Variants in COL6A3 observed in about 807,000 individuals in gnomAD.
COL6A3 encodes collagen type VI alpha 3 chain.
A neutral mutation model predicts 274.1 loss-of-function variants in COL6A3; 137 were observed. That is an observed-to-expected ratio of 0.50 (90% CI 0.44 to 0.58). The LOEUF (loss-of-function observed/expected upper bound fraction) is 0.58. Ranked by LOEUF, COL6A3 falls within the 20% of genes least tolerant of loss-of-function variation. The pLI is 0.00. For synonymous variants in COL6A3, 1,650 were observed against 1,650.6 expected (o/e 1.00, Z 0.01); for missense variants, 3,950 against 4,124.9 (o/e 0.96, Z 1.16).
intron 1 of COL6A3, among the ~76,000 whole-genome samples, chr2:237,405,335 T>C (rs1162154220): frequency 3.3e-5 from 5 of 152,232 alleles, no homozygotes; most frequent in African/African-American, 4.8e-5. Context: ...TTGTTTGTCA[T>C]GTCCTGGAGT....
intron 10 of COL6A3, among the ~76,000 whole-genome samples, chr2:237,367,964 G>T (rs1403256769): frequency 6.6e-6 from 1 of 152,208 alleles, no homozygotes; most frequent in East Asian, 1.9e-4. Context: ...AGGGAAACAG[G>T]CATACTGCTC....
chr2:237,394,994 T>G lies in COL6A3; in HGVS notation c.302A>C (p.Glu101Ala). 6.2e-7 allele frequency: 1 copy of G among 1,614,204 alleles called. No homozygotes were observed. Among genetic ancestry groups the G allele is most frequent in the Non-Finnish European group, 8.5e-7 (1 of 1,180,030 alleles). ...CATGTTGGAAATATGAGAAAGGACT[T>G]CTTGTTTAGTACGATACGTATTTAA... ...FLLNTYRTKQ[E>A]VLSHISNMSY... Residue 101 changes from glutamate to alanine, a missense_variant, in exon 3 of 44, where the codon GAA becomes GCA. Physicochemically the swap from Glu to Ala is moderately radical, Grantham distance 107. Coordinates refer to ENST00000295550, the MANE Select transcript of COL6A3 (RefSeq NM_004369.4).
At chr2:237,381,779 T>C (rs1490868604) in intron 4 of COL6A3, among the ~76,000 whole-genome samples, 4 of 152,242 alleles carry the variant, frequency 2.6e-5, no homozygotes, top group South Asian at 4.1e-4. Flanking sequence ...CCACCTGTTT[T>C]GTATGCTGTC....
Position 237,409,295 on chromosome 2 carries a change from ATTATT to A in COL6A3, c.-31+4653_-31+4657del, listed in dbSNP as rs998621631. ...CCCCAAGAATGTATTCTCTTTTTTT[ATTATT>A]TTATTATTATTATACTTTAAGTTTT... On this transcript the variant is annotated intron_variant, in intron 1 of 43. Transcript: ENST00000295550. Among the ~76,000 whole-genome samples, 133 of 151,730 alleles carry A rather than the reference ATTATT, an allele frequency of 8.8e-4. 1 individual carries two copies. The highest frequency in any genetic ancestry group is 2.9e-3 in the African/African-American group (119 of 41,268).
In COL6A3 at chr2:237,324,169, A is replaced by T. The variant is rs970163940; in HGVS notation, c.*605T>A. The T allele has an allele frequency of 6.6e-6, 1 of 151,932 alleles. No homozygotes were observed. Among genetic ancestry groups the T allele is most frequent in the Non-Finnish European group, 1.5e-5 (1 of 68,046 alleles). 9.4% of individuals were successfully genotyped at this position (151,932 alleles called of 1,614,324 possible). ...AAATATTCTCTATTACAACTTTTTT[A>T]AATTCTTTAATTAAGGCATTGGTCC... On this transcript the variant is annotated 3_prime_UTR_variant, in exon 44 of 44. Transcript: ENST00000295550.
chr2:237,334,813 G>A lies in COL6A3; in HGVS notation c.9042C>T (p.Pro3014=), dbSNP rs1429653904. Residue 3014 remains proline (P), a synonymous_variant, in exon 41 of 44, where the codon CCC becomes CCT. Coordinates refer to ENST00000295550, the MANE Select transcript of COL6A3 (RefSeq NM_004369.4). ...SAKLHWERAE[P]PGPYFYDLTV... ...TGAGGTCATAAAAATAAGGACCGGGGGGCTCAGCCCTCTCCCAGTGGAGTT... is the reference window on the plus strand; with the variant it reads ...TGAGGTCATAAAAATAAGGACCGGGAGGCTCAGCCCTCTCCCAGTGGAGTT... 6.2e-7 allele frequency: 1 copy of A among 1,614,118 alleles called. No individual in the cohort carries two copies. Among genetic ancestry groups the A allele is most frequent in the South Asian group, 1.1e-5 (1 of 91,068 alleles).
chr2:237,362,657 A>G (rs1315428826), intron 14 of COL6A3, among the ~76,000 whole-genome samples: 1 of 152,158 alleles, frequency 6.6e-6, no homozygotes, highest in East Asian at 1.9e-4. Context: ...CACTGTTGCT[A>G]CCATCAAAGA....
At chr2:237,380,786 T>A in intron 5 of COL6A3, 129 bp downstream of exon 5, 1 of 859,108 alleles carries the variant, frequency 1.2e-6, no homozygotes, top group Non-Finnish European at 1.9e-6. Context: ...GAATAAATCA[T>A]GTTCGTTGCT....
Position 237,368,792 on chromosome 2 carries a change from G to A in COL6A3, c.4671C>T (p.Ser1557=), listed in dbSNP as rs116760648. 107 of 1,614,192 alleles carry A rather than the reference G, an allele frequency of 6.6e-5. 2 individuals are homozygous for A. In the African/African-American group the frequency reaches 1.3e-3, roughly 19 times the overall value. ...AGGAACGGATCACCTGGGCGAACCT[G>A]GACACATCGTCCTGGGATTTTCCAC... ...VLGGKSQDDV[S]RFAQVIRSSG... is the part of the protein sequence containing the mutation. Residue 1557 remains serine (S), a synonymous_variant, in exon 10 of 44, where the codon TCC becomes TCT. Coordinates refer to ENST00000295550, the MANE Select transcript of COL6A3 (RefSeq NM_004369.4). This position sits in a 1 kb window ranked among gnomAD's most constrained non-coding sequence, Gnocchi z 4.4.
intron 14 of COL6A3, among the ~76,000 whole-genome samples, 195 bp from the exon 15 acceptor site, chr2:237,362,026 G>A (rs1389242691): frequency 6.6e-6 from 1 of 152,170 alleles, no homozygotes; most frequent in Non-Finnish European, 1.5e-5. Context: ...CCAGCTCCTG[G>A]CGGTCGGGGT....
Position 237,367,280 on chromosome 2 carries a change from T to C in COL6A3, c.4907A>G (p.Lys1636Arg). 6.2e-7 allele frequency: 1 copy of C among 1,613,494 alleles called. No individual in the cohort carries two copies. Among genetic ancestry groups the C allele is most frequent in the Non-Finnish European group, 8.5e-7 (1 of 1,179,686 alleles). ...DTPPPSRPEK[K>R]KADIVFLLDG... is the part of the protein sequence containing the mutation. Reference sequence around the variant, plus strand: ...CAACAGGAACACAATGTCTGCTTTCTTCTTCTCTAGAAGTGATTAAAGTGA... The same window carrying C: ...CAACAGGAACACAATGTCTGCTTTCCTCTTCTCTAGAAGTGATTAAAGTGA... The change falls in exon 11 of 44, where the codon AAG (lysine) becomes AGG (arginine). Residue 1636 changes from lysine (K) to arginine (R), a missense_variant. This residue lies in a region of COL6A3 where 632 missense variants were observed against 623.4 expected (regional missense o/e 1.01). Coordinates refer to ENST00000295550, the MANE Select transcript of COL6A3 (RefSeq NM_004369.4).
intron 13 of COL6A3, among the ~76,000 whole-genome samples, chr2:237,363,886 T>C (rs2106346669): frequency 6.6e-6 from 1 of 152,366 alleles, no homozygotes; most frequent in Non-Finnish European, 1.5e-5. Context: ...AGATCACATC[T>C]GATAATAGGC....
At chr2:237,333,420 A>G (rs778409814) in intron 42 of COL6A3, 30 bp downstream of exon 42, 1 of 1,593,390 alleles carries the variant, frequency 6.3e-7, no homozygotes, top group South Asian at 1.1e-5. Context: ...TCTTAGTGCC[A>G]TTAATGGACC....
At position 237,388,136 on chromosome 2, in the gene COL6A3, G is replaced by T. The variant is rs201283466; in HGVS notation, c.758C>A (p.Thr253Asn). ...AATGACTGCGAAATTGACACTTCCGGTGTTGTTTGATCCATCAATAAGGAA... is the reference window on the plus strand; with the variant it reads ...AATGACTGCGAAATTGACACTTCCGTTGTTGTTTGATCCATCAATAAGGAA... ...IIFLIDGSNN[T>N]GSVNFAVILD... The change falls in exon 4 of 44, where the codon ACC (threonine) becomes AAC (asparagine). Residue 253 changes from threonine (T) to asparagine (N), a missense_variant. This residue lies in a region of COL6A3 where 1,934 missense variants were observed against 1,984.3 expected (regional missense o/e 0.97). Transcript: ENST00000295550. 8 of 1,614,194 alleles carry T rather than the reference G, an allele frequency of 5.0e-6. No individual in the cohort carries two copies. Among genetic ancestry groups the T allele is most frequent in the Non-Finnish European group, 6.8e-6 (8 of 1,180,030 alleles).
At chr2:237,348,287 CA>C in intron 30 of COL6A3, 61 bp downstream of exon 30, 1 of 1,349,668 alleles carries the variant, frequency 7.4e-7, no homozygotes, top group Non-Finnish European at 1.1e-6. Flanking sequence ...ATTCTCAGTC[CA>C]TGGACATACC....
At position 237,344,408 on chromosome 2, in the gene COL6A3, C is replaced by T; in HGVS notation, c.7610G>A (p.Gly2537Glu). Residue 2537 changes from glycine to glutamate, a missense_variant, in exon 36 of 44, where the codon GGG becomes GAG. Physicochemically the swap from Gly to Glu is moderately conservative, Grantham distance 98 (BLOSUM62 -2). Transcript: ENST00000295550. The surrounding 1 kb of genome is among the most constrained non-coding windows in gnomAD (Gnocchi z 4.8). ...CCTTGTAAGGAACAAGGGGGTGATCCCCGCATCTGAGAGCTTGAGCACAGC... is the reference window on the plus strand; with the variant it reads ...CCTTGTAAGGAACAAGGGGGTGATCTCCGCATCTGAGAGCTTGAGCACAGC... ...REAVLKLSDAGITPLFLTRQE... is the reference protein window; with the variant it reads ...REAVLKLSDAEITPLFLTRQE... The T allele has an allele frequency of 6.2e-7, 1 of 1,614,168 alleles. No homozygotes were observed. Among genetic ancestry groups the T allele is most frequent in the Non-Finnish European group, 8.5e-7 (1 of 1,180,010 alleles).
At chr2:237,327,172 T>G (rs1297429544) in intron 42 of COL6A3, 1 of 152,226 alleles carries the variant, frequency 6.6e-6, no homozygotes, top group Non-Finnish European at 1.5e-5. Context: ...GGCAAGGTAA[T>G]TTAACCATCA....
At chr2:237,375,751 C>T (rs991476621) in intron 7 of COL6A3, among the ~76,000 whole-genome samples, 2 of 152,202 alleles carry the variant, frequency 1.3e-5, no homozygotes, top group African/African-American at 4.8e-5. Flanking sequence ...CCATGTTGGT[C>T]AGGCTGGTCT....
At position 237,374,328 on chromosome 2, in the gene COL6A3, T is replaced by C. The variant is rs530812705; in HGVS notation, c.3679+84A>G. Reference sequence around the variant, plus strand: ...ACTTCACATGGCAGGAAAAGCAAAATTGAGAACACCTTGTGGCCCACAGTC... The same window carrying C: ...ACTTCACATGGCAGGAAAAGCAAAACTGAGAACACCTTGTGGCCCACAGTC... On this transcript the variant is annotated intron_variant, in intron 8 of 43. Transcript: ENST00000295550. The surrounding 1 kb of genome is among the most constrained non-coding windows in gnomAD (Gnocchi z 4.8). The C allele has an allele frequency of 4.4e-6, 7 of 1,587,070 alleles. No homozygotes were observed. Among genetic ancestry groups the C allele is most frequent in the East Asian group, 4.5e-5 (2 of 44,788 alleles).
Sources: allele counts gnomAD v4.1 joint callset (sites outside exome capture counted in the v4.1 genomes callset), GRCh38; gene constraint gnomAD v4.1.1; regional missense constraint gnomAD v4.1.1; non-coding constraint Gnocchi (gnomAD v3.1); transcripts MANE v1.5; gene names NCBI Gene and HGNC (gene_info 2026-07-23, HGNC 2026-07-21).